The following AKAP12 variants were observed in gnomAD, a reference collection of about 807,000 sequenced individuals.
AKAP12 encodes A-kinase anchoring protein 12, also known as A-kinase anchor protein 12.
A neutral mutation model predicts 79.9 loss-of-function variants in AKAP12; 32 were observed. That is an observed-to-expected ratio of 0.40 (90% confidence interval 0.30 to 0.54). AKAP12 has a LOEUF of 0.54. Among genes scored for constraint, AKAP12 ranks in the 20% least tolerant of loss-of-function variants. The probability of loss-of-function intolerance (pLI) is 0.48; values close to 1 mark genes in which losing one functional copy is unlikely to be tolerated. For synonymous variants in AKAP12, 808 were observed against 857.0 expected (o/e 0.94, Z 1.00); for missense variants, 2,074 against 2,177.0 (o/e 0.95, Z 0.94).
intron 3 of AKAP12, among the ~76,000 whole-genome samples, chr6:151,333,699 A>G (rs980825773): frequency 1.5e-4 from 22 of 150,730 alleles, no homozygotes; most frequent in African/African-American, 5.4e-4. Context: ...AGATCGCACC[A>G]CTGCACTCTA....
At chr6:151,314,084 G>A (rs1248552261) in intron 3 of AKAP12, among the ~76,000 whole-genome samples, 1 of 147,894 alleles carries the variant, frequency 6.8e-6, no homozygotes, top group Non-Finnish European at 1.5e-5. Context: ...CTGAAGTACA[G>A]TGGTGCAGTC....
At chr6:151,318,606 A>C (rs1777289074) in intron 3 of AKAP12, among the ~76,000 whole-genome samples, 1 of 152,088 alleles carries the variant, frequency 6.6e-6, no homozygotes, top group African/African-American at 2.4e-5. Flanking sequence ...GTTTCCATTC[A>C]ATGTGCGGGG....
At chr6:151,290,150 C>G (rs1414431499) in intron 2 of AKAP12, among the ~76,000 whole-genome samples, 1 of 152,184 alleles carries the variant, frequency 6.6e-6, no homozygotes, top group Non-Finnish European at 1.5e-5. Context: ...ATTATTCTGG[C>G]ACCTATTAAT....
At chr6:151,272,601 C>T (rs1776211527) in intron 2 of AKAP12, among the ~76,000 whole-genome samples, 1 of 151,826 alleles carries the variant, frequency 6.6e-6, no homozygotes, top group African/African-American at 2.4e-5. Context: ...CTCACTGCAA[C>T]CTCGGCTCAC....
intron 2 of AKAP12, among the ~76,000 whole-genome samples, chr6:151,299,242 A>C (rs1466912278): frequency 6.6e-6 from 1 of 152,226 alleles, no homozygotes; most frequent in Admixed American, 6.5e-5. Context: ...AAGCTCCAGC[A>C]GTGTGGCCTG....
chr6:151,294,262 A>G (rs957028549), intron 2 of AKAP12, among the ~76,000 whole-genome samples: 8 of 152,060 alleles, frequency 5.3e-5, no homozygotes, highest in Non-Finnish European at 8.8e-5. Context: ...GTGAGCCACC[A>G]TGTTCAGCCT....
intron 2 of AKAP12, among the ~76,000 whole-genome samples, chr6:151,261,593 T>G (rs1333007820): frequency 3.3e-5 from 5 of 149,840 alleles, no homozygotes; most frequent in Admixed American, 3.3e-4. Context: ...CCCAGCTGCT[T>G]AGGAGGCTGA....
chr6:151,349,349 G>A lies in AKAP12; in HGVS notation c.958G>A (p.Glu320Lys), dbSNP rs1406345494. 1 of 1,614,072 alleles carries A rather than the reference G, an allele frequency of 6.2e-7. No homozygotes were observed. The highest frequency in any genetic ancestry group is 8.5e-7 in the Non-Finnish European group (1 of 1,179,998). Residue 320 changes from glutamate (E) to lysine (K), a missense_variant, in exon 4 of 5, where the codon GAA (glutamate) becomes AAA (lysine). Physicochemically the swap from Glu to Lys is moderately conservative, Grantham distance 56. Around this residue, in one of 3 missense-constraint regions of AKAP12, gnomAD observed 1,428 missense variants for 1,451.0 expected, o/e 0.98. Transcript: ENST00000402676. Reference sequence around the variant, plus strand: ...CAGTTTCAGGAAGCCGAAGGAGGATGAAGTGGAAGCTTCAGAGAAGAAAAA... The same window carrying A: ...CAGTTTCAGGAAGCCGAAGGAGGATAAAGTGGAAGCTTCAGAGAAGAAAAA... ...KTSFRKPKED[E>K]VEASEKKKEQ...
At chr6:151,299,241 C>A (rs138313373) in intron 2 of AKAP12, among the ~76,000 whole-genome samples, 19 of 152,312 alleles carry the variant, frequency 1.2e-4, no homozygotes, top group African/African-American at 4.6e-4. Flanking sequence ...AAAGCTCCAG[C>A]AGTGTGGCCT....
intron 2 of AKAP12, among the ~76,000 whole-genome samples, chr6:151,255,450 C>T (rs1453379816): frequency 7.2e-5 from 11 of 152,050 alleles, no homozygotes; most frequent in Middle Eastern, 3.4e-3. Context: ...CGTGAGCCAC[C>T]GCGCCTGGCT....
intron 2 of AKAP12, among the ~76,000 whole-genome samples, chr6:151,259,764 A>G (rs1797382400): frequency 6.6e-6 from 1 of 151,524 alleles, no homozygotes. Flanking sequence ...TTTAGTAGAC[A>G]TGGGGTTTCA....
In AKAP12 at chr6:151,332,036, T is replaced by TTTTTG. The variant is rs1582887148; in HGVS notation, c.320-16671_320-16670insGTTTT. Among the ~76,000 whole-genome samples, 5 of 44,300 alleles carry TTTTTG rather than the reference T, an allele frequency of 1.1e-4. 1 individual carries two copies. Among genetic ancestry groups the TTTTTG allele is most frequent in the Admixed American group, 2.1e-4 (1 of 4,684 alleles). 29.1% of individuals were successfully genotyped at this position (44,300 alleles called of 152,430 possible). A position where few individuals can be genotyped will look rare whatever the true frequency, so the allele number is the denominator to read the frequency against. The stretch of plus-strand genomic sequence containing the variant: ...TAGCACGTCCAGTTCTGGGTCTGTT[T>TTTTTG]TTTTTTTTTTTTTTTTTTGAGACAG... On this transcript the variant is annotated intron_variant, in intron 3 of 4. Transcript: ENST00000402676.
At position 151,350,388 on chromosome 6, in the gene AKAP12, C is replaced by G; in HGVS notation, c.1997C>G (p.Pro666Arg). The G allele has an allele frequency of 1.2e-6, 2 of 1,613,478 alleles. No individual in the cohort carries two copies. Among genetic ancestry groups the G allele is most frequent in the Non-Finnish European group, 1.7e-6 (2 of 1,179,978 alleles). ...EMKGSVEEPKPEEPKRKVDTS... is the reference protein window; with the variant it reads ...EMKGSVEEPKREEPKRKVDTS... ...AAAGGGAGCGTGGAAGAGCCAAAGC[C>G]GGAAGAACCAAAGCGCAAGGTGGAT... The change falls in exon 4 of 5, where the codon CCG becomes CGG. Residue 666 changes from proline (P) to arginine (R), a missense_variant. Around this residue, in one of 3 missense-constraint regions of AKAP12, gnomAD observed 1,428 missense variants for 1,451.0 expected, o/e 0.98. Transcript: ENST00000402676. This position sits in a 1 kb window ranked among gnomAD's most constrained non-coding sequence, Gnocchi z 4.8.
chr6:151,352,199 T>C lies in AKAP12; in HGVS notation c.3808T>C (p.Tyr1270His), dbSNP rs1225789123. 1.9e-6 allele frequency: 3 copies of C among 1,614,016 alleles called. No individual in the cohort carries two copies. Among genetic ancestry groups the C allele is most frequent in the East Asian group, 2.2e-5 (1 of 44,890 alleles). The change falls in exon 4 of 5, where the codon TAT becomes CAT. Residue 1270 changes from tyrosine (Y) to histidine (H), a missense_variant. By Grantham distance (83) the Tyr-to-His change is moderately conservative. Transcript: ENST00000402676. ...KTEGTQEADQ[Y>H]ADEKTKDVPF... ...TGAGGGGACTCAAGAGGCTGACCAG[T>C]ATGCTGATGAGAAAACCAAAGACGT...
chr6:151,346,252 C>T (rs1034689695), intron 3 of AKAP12, among the ~76,000 whole-genome samples: 22 of 152,260 alleles, frequency 1.4e-4, no homozygotes, highest in African/African-American at 5.1e-4. Context: ...CATTAAATCA[C>T]ATTGACTTGA....
chr6:151,321,075 C>T (rs1391043412), intron 3 of AKAP12, among the ~76,000 whole-genome samples: 1 of 151,968 alleles, frequency 6.6e-6, no homozygotes, highest in African/African-American at 2.4e-5. Context: ...CAACCTTCAC[C>T]TCCTGGGTTC....
chr6:151,348,203 T>C (rs1048066494), intron 3 of AKAP12, among the ~76,000 whole-genome samples: 1 of 151,118 alleles, frequency 6.6e-6, no homozygotes, highest in African/African-American at 2.4e-5. Flanking sequence ...GACAGACGCC[T>C]GTAATCCCAG....
intron 3 of AKAP12, chr6:151,324,439 C>T (rs1777474170): frequency 1.0e-6 from 1 of 985,440 alleles, no homozygotes; most frequent in Non-Finnish European, 1.2e-6. Flanking sequence ...AAAAGTGCAA[C>T]TACGTGCCAT....
At chr6:151,270,194 T>C (rs6557127) in intron 2 of AKAP12, among the ~76,000 whole-genome samples, 28,069 of 152,032 alleles carry the variant, frequency 0.18, 3,849 homozygotes, top group African/African-American at 0.38. Context: ...GTAGCTGGGA[T>C]TACAGGCATG....
Sources: gnomAD v4.1 joint callset for allele counts (sites outside exome capture counted in the v4.1 genomes callset) on GRCh38, gnomAD v4.1.1 for gene constraint, gnomAD v4.1.1 regional missense constraint, Gnocchi (gnomAD v3.1) non-coding constraint, MANE v1.5 for transcripts, NCBI Gene and HGNC (gene_info 2026-07-23, HGNC 2026-07-21) for gene names.